Variants in EIF2AK2 observed in about 807,000 individuals in gnomAD.
EIF2AK2 encodes the protein interferon-induced, double-stranded RNA-activated protein kinase.
Under a neutral mutation model 70.5 loss-of-function variants are expected in EIF2AK2, and 40 were observed. That is an observed-to-expected ratio of 0.57 (90% CI 0.44 to 0.74). The LOEUF is 0.74. Ranked by LOEUF, EIF2AK2 falls within the 30% of genes least tolerant of loss-of-function variation. The probability of loss-of-function intolerance (pLI) is 0.00; values close to 1 mark genes in which losing one functional copy is unlikely to be tolerated. For missense variants in EIF2AK2, 555 were observed against 644.3 expected, an observed-to-expected ratio of 0.86 and a Z score of 1.50; for synonymous variants, 198 against 220.9, an observed-to-expected ratio of 0.90 and a Z score of 0.92.
intron 13 of EIF2AK2, 91 bp from the exon 14 acceptor site, chr2:37,114,950 T>C (rs1249032615): frequency 2.2e-6 from 2 of 905,772 alleles, no homozygotes; most frequent in Middle Eastern, 3.5e-4. Context: ...TATTTTTATA[T>C]TATTTATAAG....
intron 1 of EIF2AK2, 56 bp from the exon 2 acceptor site, chr2:37,149,079 C>T (rs1470897230): frequency 3.0e-5 from 28 of 944,050 alleles, no homozygotes; most frequent in Admixed American, 2.6e-4. Flanking sequence ...TTCAGACAGA[C>T]GAGTGATACC....
chr2:37,125,210 C>T (rs536898409), intron 11 of EIF2AK2, among the ~76,000 whole-genome samples: 25 of 152,182 alleles, frequency 1.6e-4, no homozygotes, highest in Admixed American at 1.2e-3. Flanking sequence ...GGGGTTTCTC[C>T]ATGTTGGTGA....
intron 8 of EIF2AK2, among the ~76,000 whole-genome samples, chr2:37,137,583 A>G (rs1258144806): frequency 6.6e-6 from 1 of 152,248 alleles, no homozygotes; most frequent in East Asian, 1.9e-4. Flanking sequence ...GCTGCAGGCT[A>G]CAGGCATGTG....
Position 37,122,579 on chromosome 2 carries a change from A to C in EIF2AK2, c.994T>G (p.Tyr332Asp), listed in dbSNP as rs1324195678. 3 of 1,614,208 alleles carry C rather than the reference A, an allele frequency of 1.9e-6. No individual in the cohort carries two copies. The highest frequency in any genetic ancestry group is 2.5e-6 in the Non-Finnish European group (3 of 1,180,032). ...GAATCATCACTGGTCTCAGGATCAT[A>C]ATCAAATCCATCCCAACAGCCATTG... ...HYNGCWDGFD[Y>D]DPETSDDSLE... Residue 332 changes from tyrosine to aspartate, a missense_variant, in exon 12 of 17, where the codon TAT becomes GAT. Physicochemically the swap from Tyr to Asp is radical, Grantham distance 160. Transcript: ENST00000233057.
In EIF2AK2 at chr2:37,102,552, T is replaced by C. The variant is rs1468718092; in HGVS notation, c.*4721A>G. Reference sequence around the variant, plus strand: ...GTAGAGACCTGGAAAAGCTTGTATGTAGCCTTTTAAACATTTCTTCTCAGA... The same window carrying C: ...GTAGAGACCTGGAAAAGCTTGTATGCAGCCTTTTAAACATTTCTTCTCAGA... On this transcript the variant is annotated 3_prime_UTR_variant, in exon 17 of 17. Coordinates refer to ENST00000233057, the MANE Select transcript of EIF2AK2 (RefSeq NM_001135651.3). 6.6e-6 allele frequency: 1 copy of C among 152,196 alleles called. No individual in the cohort carries two copies. The highest frequency in any genetic ancestry group is 1.5e-5 in the Non-Finnish European group (1 of 68,032). The allele number at this position is 152,196 out of a possible 1,614,324, so 9.4% of individuals were successfully genotyped here.
intron 4 of EIF2AK2, among the ~76,000 whole-genome samples, chr2:37,144,600 T>C (rs930625330): frequency 5.9e-5 from 9 of 151,946 alleles, no homozygotes; most frequent in Admixed American, 3.3e-4. Context: ...TTTTTTTTTT[T>C]TGAGACAGGG....
chr2:37,156,331 G>A (rs2148723366), intron 1 of EIF2AK2, among the ~76,000 whole-genome samples: 1 of 152,276 alleles, frequency 6.6e-6, no homozygotes, highest in South Asian at 2.1e-4. Context: ...GGGGAAGGTC[G>A]GAGCAGGGGA....
At chr2:37,121,500 G>A (rs1036181525) in intron 12 of EIF2AK2, among the ~76,000 whole-genome samples, 19 of 151,866 alleles carry the variant, frequency 1.3e-4, no homozygotes, top group Non-Finnish European at 2.2e-4. Context: ...TATCCTTGCC[G>A]TCACGGGGAT....
intron 4 of EIF2AK2, among the ~76,000 whole-genome samples, chr2:37,145,142 T>G (rs1285659104): frequency 3.4e-4 from 38 of 110,978 alleles, no homozygotes; most frequent in Admixed American, 6.7e-4. Flanking sequence ...GTTTTGTGGG[T>G]TTTTTTTTTT....
intron 1 of EIF2AK2, among the ~76,000 whole-genome samples, chr2:37,149,863 G>A (rs989678475): frequency 1.1e-4 from 17 of 152,168 alleles, no homozygotes; most frequent in African/African-American, 2.9e-4. Flanking sequence ...AGCAGAGCAC[G>A]TAGTTACACT....
At chr2:37,114,559 T>C (rs191783943) in intron 14 of EIF2AK2, among the ~76,000 whole-genome samples, 172 bp downstream of exon 14, 1 of 152,226 alleles carries the variant, frequency 6.6e-6, no homozygotes, top group Admixed American at 6.5e-5. Context: ...CAGAAAATTA[T>C]CTAAAAGGAT....
At chr2:37,133,303 C>G (rs915045364) in intron 10 of EIF2AK2, among the ~76,000 whole-genome samples, 2 of 152,180 alleles carry the variant, frequency 1.3e-5, no homozygotes, top group African/African-American at 4.8e-5. Context: ...AACTCATGCT[C>G]CTTTTGTTCC....
chr2:37,147,039 T>G, intron 3 of EIF2AK2, 66 bp from the exon 4 acceptor site: 1 of 1,451,274 alleles, frequency 6.9e-7, no homozygotes, highest in Non-Finnish European at 9.3e-7. Context: ...ACAAGTACTC[T>G]AGTCATCACT....
chr2:37,142,153 C>G (rs1024765392), intron 4 of EIF2AK2, among the ~76,000 whole-genome samples: 3 of 151,864 alleles, frequency 2.0e-5, no homozygotes, highest in African/African-American at 7.3e-5. Flanking sequence ...TTTTTTCAGA[C>G]AGGGTGTCAC....
intron 1 of EIF2AK2, 68 bp downstream of exon 1, chr2:37,156,840 A>G: frequency 6.4e-6 from 1 of 155,956 alleles, no homozygotes. Context: ...CTGGGCCTGC[A>G]GCCCCTCGTA....
In EIF2AK2 at chr2:37,118,072, C is replaced by A. The variant is rs141010437; in HGVS notation, c.1248+1887G>T. Reference sequence around the variant, plus strand: ...CCTGGAATGCCAGCACTTTGGGAGGCTGAGGCAGGAGGATCACTTTGAGTC... The same window carrying A: ...CCTGGAATGCCAGCACTTTGGGAGGATGAGGCAGGAGGATCACTTTGAGTC... On this transcript the variant is annotated intron_variant, in intron 13 of 16. Coordinates refer to ENST00000233057, the MANE Select transcript of EIF2AK2 (RefSeq NM_001135651.3). Among the ~76,000 whole-genome samples, 172 of 152,124 alleles carry A rather than the reference C, an allele frequency of 1.1e-3. 2 individuals carry two copies. Among genetic ancestry groups the A allele is most frequent in the African/African-American group, 3.8e-3 (158 of 41,500 alleles).
Position 37,106,489 on chromosome 2 carries a change from A to G in EIF2AK2, c.*784T>C, listed in dbSNP as rs1286503154. On this transcript the variant is annotated 3_prime_UTR_variant, in exon 17 of 17. Transcript: ENST00000233057. ...CTTGTAAGCACGTATGTAGGAATAGAATTGATAGCTATGTGGGTATACATG... is the reference window on the plus strand; with the variant it reads ...CTTGTAAGCACGTATGTAGGAATAGGATTGATAGCTATGTGGGTATACATG... 2.0e-5 allele frequency: 3 copies of G among 151,618 alleles called. No individual in the cohort carries two copies. Among genetic ancestry groups the G allele is most frequent in the Non-Finnish European group, 2.9e-5 (2 of 67,984 alleles). The allele number at this position is 151,618 out of a possible 1,614,324, so 9.4% of individuals were successfully genotyped here.
rs539146274 is a variant in EIF2AK2, at chr2:37,141,555, T to C, written c.387A>G (p.Glu129=). The change falls in exon 5 of 17, where the codon GAA becomes GAG. Residue 129 remains glutamate (E), a splice_region_variant and synonymous_variant. Coordinates refer to ENST00000233057, the MANE Select transcript of EIF2AK2 (RefSeq NM_001135651.3). The part of the protein sequence containing the change: ...EQCASGVHGP[E]GFHYKCKMGQ... ...AGAAAAGCCAAATTATGTCTTACCCTTCTGGCCCATGCACCCCCGATGCAC... is the reference window on the plus strand; with the variant it reads ...AGAAAAGCCAAATTATGTCTTACCCCTCTGGCCCATGCACCCCCGATGCAC... The C allele has an allele frequency of 6.2e-5, 100 of 1,612,072 alleles. 3 individuals are homozygous for C. The South Asian group carries it at 1.1e-3, about 17-fold the overall frequency.
rs564713158 is a variant in EIF2AK2, at chr2:37,151,097, T to C, written c.-183-2074A>G. On this transcript the variant is annotated intron_variant, in intron 1 of 16. Coordinates refer to ENST00000233057, the MANE Select transcript of EIF2AK2 (RefSeq NM_001135651.3). The stretch of plus-strand genomic sequence containing the variant: ...AGCAACAAAAGAAAACAGAGATAAA[T>C]TGGGCTTCATCAAAATTTAAAACGT... Among the ~76,000 whole-genome samples the C allele has an allele frequency of 2.2e-4, 33 of 152,204 alleles. No homozygotes were observed. The East Asian group carries it at 5.0e-3, about 23-fold the overall frequency.
Sources: allele counts gnomAD v4.1 joint callset (sites outside exome capture counted in the v4.1 genomes callset), GRCh38; gene constraint gnomAD v4.1.1; transcripts MANE v1.5; gene names NCBI Gene and HGNC (gene_info 2026-07-23, HGNC 2026-07-21).